ZNF383: variants seen among roughly 807,000 people sequenced by gnomAD.
The protein encoded by ZNF383 is zinc finger protein 383.
ZNF383 carries 32 observed loss-of-function variants against 44.2 expected under a neutral mutation model. That is an observed-to-expected ratio of 0.72 (90% CI 0.55 to 0.97). ZNF383 has a LOEUF of 0.97. Ranked by LOEUF, ZNF383 falls within the 50% of genes least tolerant of loss-of-function variation. ZNF383 has a pLI of 0.00. For synonymous variants in ZNF383, 155 were observed against 186.2 expected (o/e 0.83, Z 1.36); for missense variants, 487 against 562.5 (o/e 0.87, Z 1.36).
At chr19:37,222,504 G>GT (rs1321431679) in intron 1 of ZNF383, among the ~76,000 whole-genome samples, 4 of 152,062 alleles carry the variant, frequency 2.6e-5, no homozygotes, top group African/African-American at 9.7e-5. Context: ...AGCCTCTCAA[G>GT]TAGCTGAGAT....
At position 37,246,637 on chromosome 19, in the gene ZNF383, C is replaced by A. The variant is rs1974384314; in HGVS notation, c.*2973C>A. On this transcript the variant is annotated 3_prime_UTR_variant, in exon 6 of 6. Coordinates refer to ENST00000684119, the MANE Select transcript of ZNF383 (RefSeq NM_001387601.1). Reference sequence around the variant, plus strand: ...AATACAAAAAAAACAAAAACAAAAACAAATAGCCAGGCATGGTGTTGCATG... The same window carrying A: ...AATACAAAAAAAACAAAAACAAAAAAAAATAGCCAGGCATGGTGTTGCATG... 1 of 151,858 alleles carries A rather than the reference C, an allele frequency of 6.6e-6. No individual in the cohort carries two copies. Among genetic ancestry groups the A allele is most frequent in the Admixed American group, 6.6e-5 (1 of 15,234 alleles). The allele number at this position is 151,858 out of a possible 1,614,324, so 9.4% of individuals were successfully genotyped here. A position where few individuals can be genotyped will look rare whatever the true frequency, so the allele number is the denominator to read the frequency against.
chr19:37,241,981 CTATA>C (rs1186760387), intron 5 of ZNF383, among the ~76,000 whole-genome samples: 2 of 112,174 alleles, frequency 1.8e-5, no homozygotes, highest in African/African-American at 3.4e-5. Flanking sequence ...TATAGTATGT[CTATA>C]TATACTATAT....
chr19:37,221,446 G>C (rs1972912218), intron 1 of ZNF383, among the ~76,000 whole-genome samples: 1 of 151,954 alleles, frequency 6.6e-6, no homozygotes, highest in South Asian at 2.1e-4. Flanking sequence ...ACCAGGCATG[G>C]TTACATGCTG....
In ZNF383 at chr19:37,243,676, G is replaced by A. The variant is rs1300565486; in HGVS notation, c.*12G>A. On this transcript the variant is annotated 3_prime_UTR_variant, in exon 6 of 6. Coordinates refer to ENST00000684119, the MANE Select transcript of ZNF383 (RefSeq NM_001387601.1). ...ATACTAATAAATAATAAAAATTAAA[G>A]CCCCTGTCACCTTCCTCATATTTTA... 6.1e-6 allele frequency: 9 copies of A among 1,467,716 alleles called. No homozygotes were observed. The highest frequency in any genetic ancestry group is 7.3e-6 in the Non-Finnish European group (8 of 1,100,386). 90.9% of individuals were successfully genotyped at this position (1,467,716 alleles called of 1,614,324 possible).
intron 3 of ZNF383, among the ~76,000 whole-genome samples, chr19:37,232,231 C>T (rs900777461): frequency 9.2e-5 from 14 of 152,058 alleles, no homozygotes; most frequent in East Asian, 5.8e-4. Flanking sequence ...CCTGCCACCA[C>T]GCCTGGCTAA....
Position 37,243,016 on chromosome 19 carries a change from G to A in ZNF383, c.780G>A (p.Gly260=), listed in dbSNP as rs1168604712. The change falls in exon 6 of 6, where the codon GGG becomes GGA. Residue 260 remains glycine, a synonymous_variant. Coordinates refer to ENST00000684119, the MANE Select transcript of ZNF383 (RefSeq NM_001387601.1). The part of the protein sequence containing the change: ...GKKPYECKEC[G]KAFSYCSNLI... ...AACCCTATGAATGTAAGGAATGTGG[G>A]AAGGCCTTTAGTTATTGCTCAAATC... 1 of 1,613,834 alleles carries A rather than the reference G, an allele frequency of 6.2e-7. No homozygotes were observed. The highest frequency in any genetic ancestry group is 1.3e-5 in the African/African-American group (1 of 74,864).
rs1010525861 is a variant in ZNF383, at chr19:37,248,652, A to G, written c.*4988A>G. ...TCTGTCAATGAAAATATATGCTCTAACCTCAACATCTTCTAGATGAACCCT... is the reference window on the plus strand; with the variant it reads ...TCTGTCAATGAAAATATATGCTCTAGCCTCAACATCTTCTAGATGAACCCT... On this transcript the variant is annotated 3_prime_UTR_variant, in exon 6 of 6. Transcript: ENST00000684119. 1.3e-5 allele frequency: 2 copies of G among 152,188 alleles called. No homozygotes were observed. The highest frequency in any genetic ancestry group is 4.8e-5 in the African/African-American group (2 of 41,448). 9.4% of individuals were successfully genotyped at this position (152,188 alleles called of 1,614,324 possible).
At chr19:37,224,269 G>C (rs1166774387) in intron 1 of ZNF383, among the ~76,000 whole-genome samples, 1 of 151,898 alleles carries the variant, frequency 6.6e-6, no homozygotes, top group African/African-American at 2.4e-5. Flanking sequence ...GTACAGTGAA[G>C]AAAACTAACA....
Position 37,243,773 on chromosome 19 carries a change from C to T in ZNF383, c.*109C>T. ...AAAACTTTGTATTTAAATTTTGTAT[C>T]CAAATGTATTTCATTCCAGGTTATA... On this transcript the variant is annotated 3_prime_UTR_variant, in exon 6 of 6. Transcript: ENST00000684119. 2.7e-6 allele frequency: 2 copies of T among 728,996 alleles called. No individual in the cohort carries two copies. The highest frequency in any genetic ancestry group is 4.2e-6 in the Non-Finnish European group (2 of 480,496). The allele number at this position is 728,996 out of a possible 1,614,324, so 45.2% of individuals were successfully genotyped here.
At chr19:37,242,242 C>G (rs1599807742) in intron 5 of ZNF383, among the ~76,000 whole-genome samples, 1 of 151,000 alleles carries the variant, frequency 6.6e-6, no homozygotes, top group Non-Finnish European at 1.5e-5. Context: ...ATTTGAGTAT[C>G]ATTGTAGTAA....
chr19:37,222,718 G>A (rs982867728), intron 1 of ZNF383, among the ~76,000 whole-genome samples: 1 of 152,140 alleles, frequency 6.6e-6, no homozygotes, highest in Non-Finnish European at 1.5e-5. Context: ...TTACTGATTG[G>A]CATTTGATTT....
intron 3 of ZNF383, among the ~76,000 whole-genome samples, chr19:37,233,094 TTTTG>T (rs933211678): frequency 1.4e-4 from 21 of 151,596 alleles, no homozygotes; most frequent in African/African-American, 2.4e-4. Context: ...CAGTTTGGGA[TTTTG>T]TTTGTTTGTT....
rs1568537026 is a variant in ZNF383 at position 37,247,486 on chromosome 19, C to T, written c.*3822C>T. ...ATATACTACAGGTCACTCAACTATA[C>T]ACTTTAAAAGGGTGAATATTATGCT... On this transcript the variant is annotated 3_prime_UTR_variant, in exon 6 of 6. Coordinates refer to ENST00000684119, the MANE Select transcript of ZNF383 (RefSeq NM_001387601.1). 6.6e-6 allele frequency: 1 copy of T among 152,038 alleles called. No homozygotes were observed. The highest frequency in any genetic ancestry group is 1.5e-5 in the Non-Finnish European group (1 of 68,026). 9.4% of individuals were successfully genotyped at this position (152,038 alleles called of 1,614,324 possible).
At chr19:37,224,184 A>G (rs1973051469) in intron 1 of ZNF383, among the ~76,000 whole-genome samples, 1 of 152,212 alleles carries the variant, frequency 6.6e-6, no homozygotes, top group Non-Finnish European at 1.5e-5. Context: ...TTTTTAGTTT[A>G]TTTGGTATTG....
In ZNF383 at chr19:37,235,604, G is replaced by A; in HGVS notation, c.65G>A (p.Cys22Tyr). The A allele has an allele frequency of 6.2e-7, 1 of 1,613,978 alleles. No homozygotes were observed. Among genetic ancestry groups the A allele is most frequent in the African/African-American group, 1.3e-5 (1 of 75,050 alleles). ...SIDFSQEEWDCLDPVQRDLYR... is the reference protein window; with the variant it reads ...SIDFSQEEWDYLDPVQRDLYR... Reference sequence around the variant, plus strand: ...GACTTCTCTCAGGAGGAGTGGGACTGCCTGGACCCTGTTCAGAGGGACTTA... The same window carrying A: ...GACTTCTCTCAGGAGGAGTGGGACTACCTGGACCCTGTTCAGAGGGACTTA... The change falls in exon 4 of 6, where the codon TGC becomes TAC. Residue 22 changes from cysteine (C) to tyrosine (Y), a missense_variant. Physicochemically the swap from Cys to Tyr is radical, Grantham distance 194 (BLOSUM62 -2). Transcript: ENST00000684119.
Position 37,229,394 on chromosome 19 carries a change from G to C in ZNF383, c.-45-1015G>C, listed in dbSNP as rs557191732. On this transcript the variant is annotated intron_variant, in intron 2 of 5. Transcript: ENST00000684119. ...GGCTGGTCTCGAACTCCCGACCTCAGGTGGTCTACTTGCCTCAGCCTCCCA... is the reference window on the plus strand; with the variant it reads ...GGCTGGTCTCGAACTCCCGACCTCACGTGGTCTACTTGCCTCAGCCTCCCA... 2.3e-3 allele frequency among the ~76,000 whole-genome samples: 341 copies of C among 149,510 alleles called. 2 individuals carry two copies. The highest frequency in any genetic ancestry group is 3.9e-3 in the Non-Finnish European group (264 of 67,544).
Position 37,243,033 on chromosome 19 carries a change from G to A in ZNF383, c.797G>A (p.Cys266Tyr), listed in dbSNP as rs760240659. 5 of 1,613,582 alleles carry A rather than the reference G, an allele frequency of 3.1e-6. No homozygotes were observed. The highest frequency in any genetic ancestry group is 1.7e-4 in the Middle Eastern group (1 of 6,056). Residue 266 changes from cysteine (C) to tyrosine (Y), a missense_variant, in exon 6 of 6, where the codon TGC becomes TAC. By Grantham distance (194) the Cys-to-Tyr change is radical (BLOSUM62 -2). Transcript: ENST00000684119. The stretch of plus-strand genomic sequence containing the variant: ...GAATGTGGGAAGGCCTTTAGTTATT[G>A]CTCAAATCTTATTGACCATCAGCGA... ...CKECGKAFSY[C>Y]SNLIDHQRIH...
rs1974343048 is a variant in ZNF383, at chr19:37,245,685, G to A, written c.*2021G>A. On this transcript the variant is annotated 3_prime_UTR_variant, in exon 6 of 6. Transcript: ENST00000684119. The stretch of plus-strand genomic sequence containing the variant: ...AGACAGGGTTTCACTATGTTGGCCA[G>A]GCTGGTCTTGAACTCTTGACCTTGT... 6.6e-6 allele frequency: 1 copy of A among 151,838 alleles called. No homozygotes were observed. Among genetic ancestry groups the A allele is most frequent in the Non-Finnish European group, 1.5e-5 (1 of 68,000 alleles). 9.4% of individuals were successfully genotyped at this position (151,838 alleles called of 1,614,324 possible). A position where few individuals can be genotyped will look rare whatever the true frequency, so the allele number is the denominator to read the frequency against.
In ZNF383 at chr19:37,246,257, ATT is replaced by A. The variant is rs1291387543; in HGVS notation, c.*2594_*2595del. Reference sequence around the variant, plus strand: ...TTCCACTATTATCAGTGATATACTCATTATCATAAGTATCTTCATTAGGATTT... The same window carrying A: ...TTCCACTATTATCAGTGATATACTCAATCATAAGTATCTTCATTAGGATTT... On this transcript the variant is annotated 3_prime_UTR_variant, in exon 6 of 6. Coordinates refer to ENST00000684119, the MANE Select transcript of ZNF383 (RefSeq NM_001387601.1). 8 of 151,768 alleles carry A rather than the reference ATT, an allele frequency of 5.3e-5. No homozygotes were observed. Among genetic ancestry groups the A allele is most frequent in the Admixed American group, 2.6e-4 (4 of 15,146 alleles). The allele number at this position is 151,768 out of a possible 1,614,324, so 9.4% of individuals were successfully genotyped here. A position where few individuals can be genotyped will look rare whatever the true frequency, so the allele number is the denominator to read the frequency against.
Sources: gnomAD v4.1 joint callset for allele counts (sites outside exome capture counted in the v4.1 genomes callset) on GRCh38, gnomAD v4.1.1 for gene constraint, MANE v1.5 for transcripts, NCBI Gene and HGNC (gene_info 2026-07-23, HGNC 2026-07-21) for gene names.